CST9L: variants seen among roughly 807,000 people sequenced by gnomAD.
CST9L encodes cystatin-9-like.
In CST9L, 17 loss-of-function variants were observed where a neutral mutation model predicts 13.2. The observed-to-expected ratio is 1.29, with a 90% CI of 0.88 to 1.93. CST9L has a LOEUF of 1.93. Ranked by LOEUF, CST9L falls within the 30% of genes most tolerant of loss-of-function variation. The pLI is 0.00. For synonymous variants in CST9L, 78 were observed against 69.1 expected (o/e 1.13, Z -0.64); for missense variants, 170 against 170.5 (o/e 1.00, Z 0.02).
chr20:23,565,665 C>T (rs1989081764), intron 2 of CST9L, among the ~76,000 whole-genome samples: 1 of 152,192 alleles, frequency 6.6e-6, no homozygotes, highest in South Asian at 2.1e-4. Context: ...GGGACCACTT[C>T]TTACTGGACC....
chr20:23,568,320 G>A lies in CST9L; in HGVS notation c.131C>T (p.Ala44Val), dbSNP rs762020452. 1.2e-5 allele frequency: 20 copies of A among 1,614,082 alleles called. No homozygotes were observed. The highest frequency in any genetic ancestry group is 1.5e-5 in the Non-Finnish European group (18 of 1,180,036). The change falls in exon 1 of 3, where the codon GCT becomes GTT. Residue 44 changes from alanine to valine, a missense_variant. Transcript: ENST00000376979. Reference protein sequence around the residue: ...QRDCDEHNVMARYLPATVEFA... With the variant: ...QRDCDEHNVMVRYLPATVEFA... ...CTCCACTGTGGCAGGGAGGTAACGA[G>A]CCATGACATTGTGTTCATCACAGTC...
At position 23,568,295 on chromosome 20, in the gene CST9L, C is replaced by T. The variant is rs1443743636; in HGVS notation, c.156G>A (p.Glu52=). The change falls in exon 1 of 3, where the codon GAG becomes GAA. Residue 52 remains glutamate, a synonymous_variant. Coordinates refer to ENST00000376979, the MANE Select transcript of CST9L (RefSeq NM_080610.3). ...VMARYLPATV[E]FAVHTFNQQS... ...GTTGGTTGAATGTGTGGACAGCAAACTCCACTGTGGCAGGGAGGTAACGAG... is the reference window on the plus strand; with the variant it reads ...GTTGGTTGAATGTGTGGACAGCAAATTCCACTGTGGCAGGGAGGTAACGAG... 6.2e-7 allele frequency: 1 copy of T among 1,614,182 alleles called. No homozygotes were observed.
Position 23,568,382 on chromosome 20 carries a change from G to A in CST9L, c.69C>T (p.Ile23=). The A allele has an allele frequency of 6.2e-7, 1 of 1,614,168 alleles. No individual in the cohort carries two copies. Among genetic ancestry groups the A allele is most frequent in the Non-Finnish European group, 8.5e-7 (1 of 1,180,024 alleles). The change falls in exon 1 of 3, where the codon ATC becomes ATT. Residue 23 remains isoleucine (I), a synonymous_variant. Coordinates refer to ENST00000376979, the MANE Select transcript of CST9L (RefSeq NM_080610.3). Reference sequence around the variant, plus strand: ...GGAAATGCCAGGCATAGATCAGCAGGATCTGGGAGCCTAAGAGAAGCAGCA... The same window carrying A: ...GGAAATGCCAGGCATAGATCAGCAGAATCTGGGAGCCTAAGAGAAGCAGCA... ...ALLLLLLGSQ[I]LLIYAWHFHE...
chr20:23,565,059 G>A (rs1223732787), intron 2 of CST9L, 22 bp from the exon 3 acceptor site: 2 of 1,565,668 alleles, frequency 1.3e-6, no homozygotes, highest in South Asian at 1.1e-5. Context: ...AGCACAGGAA[G>A]GGACAGTGGG....
intron 2 of CST9L, among the ~76,000 whole-genome samples, chr20:23,565,566 G>T (rs1163096748): frequency 6.6e-6 from 1 of 152,070 alleles, no homozygotes; most frequent in Non-Finnish European, 1.5e-5. Context: ...TCTAGGGGAG[G>T]GTAAGGAAAC....
intron 1 of CST9L, among the ~76,000 whole-genome samples, chr20:23,567,706 CA>C (rs1989117852): frequency 6.6e-6 from 1 of 152,220 alleles, no homozygotes; most frequent in South Asian, 2.1e-4. Context: ...CCAAGGAGCT[CA>C]GAGAAGTTGG....
In CST9L at chr20:23,568,396, A is replaced by G; in HGVS notation, c.55T>C (p.Leu19=). ...TAGATCAGCAGGATCTGGGAGCCTA[A>G]GAGAAGCAGCAGCAGCGCCCAGGAC... ...GLSWALLLLL[L]GSQILLIYAW... is the part of the protein sequence containing the mutation. Residue 19 remains leucine, a synonymous_variant, in exon 1 of 3, where the codon TTA becomes CTA. Transcript: ENST00000376979. The G allele has an allele frequency of 6.2e-7, 1 of 1,614,206 alleles. No homozygotes were observed. The highest frequency in any genetic ancestry group is 1.3e-5 in the African/African-American group (1 of 75,068).
chr20:23,567,224 A>G (rs1297492491), intron 1 of CST9L, among the ~76,000 whole-genome samples: 1 of 152,060 alleles, frequency 6.6e-6, no homozygotes, highest in Non-Finnish European at 1.5e-5. Flanking sequence ...GAAGTCCTCA[A>G]CTTAGCTGGG....
chr20:23,565,169 G>T, intron 2 of CST9L, 132 bp from the exon 3 acceptor site: 1 of 687,422 alleles, frequency 1.5e-6, no homozygotes, highest in South Asian at 1.6e-5. Flanking sequence ...GGGGCCTCTG[G>T]CTATCATGTG....
chr20:23,568,144 C>T (rs1208250220), intron 1 of CST9L, 67 bp downstream of exon 1: 8 of 1,577,626 alleles, frequency 5.1e-6, no homozygotes, highest in Non-Finnish European at 4.3e-6. Context: ...CTGTCCCCAC[C>T]CCACTCCCAT....
intron 1 of CST9L, 133 bp from the exon 2 acceptor site, chr20:23,566,220 A>G: frequency 2.9e-6 from 2 of 687,334 alleles, no homozygotes; most frequent in Admixed American, 4.1e-5. Flanking sequence ...TGGGCCTGGC[A>G]TCAGGAGATC....
Position 23,564,769 on chromosome 20 carries a change from T to C in CST9L, c.*179A>G, listed in dbSNP as rs1178678255. The stretch of plus-strand genomic sequence containing the variant: ...CTGATGTTTAATGATCTACACTACA[T>C]GATTAGGCTCAAGATGTGTGGATTT... On this transcript the variant is annotated 3_prime_UTR_variant, in exon 3 of 3. Transcript: ENST00000376979. 3 of 605,824 alleles carry C rather than the reference T, an allele frequency of 5.0e-6. No homozygotes were observed. Among genetic ancestry groups the C allele is most frequent in the East Asian group, 5.6e-5 (2 of 35,892 alleles). The allele number at this position is 605,824 out of a possible 1,614,324, so 37.5% of individuals were successfully genotyped here.
Position 23,568,210 on chromosome 20 carries a change from C to T in CST9L, c.240+1G>A, listed in dbSNP as rs771771836. 2.8e-5 allele frequency: 45 copies of T among 1,614,076 alleles called. 1 individual carries two copies. In the South Asian group the frequency reaches 4.9e-4, roughly 18 times the overall value. ...GGGCAGGAGGGTACGTGGTCACCAA[C>T]CTGCTCCTTCCAGGAATTCAAGATG... is the stretch of plus-strand genomic sequence containing the variant. On this transcript the variant is annotated splice_donor_variant, in intron 1 of 2. Transcript: ENST00000376979. LOFTEE classifies it high-confidence loss of function.
chr20:23,565,698 G>A (rs1026160949), intron 2 of CST9L, among the ~76,000 whole-genome samples: 29 of 152,184 alleles, frequency 1.9e-4, no homozygotes, highest in Non-Finnish European at 3.8e-4. Flanking sequence ...ACCCCAGGGG[G>A]AAAGAGCAGT....
intron 1 of CST9L, 47 bp from the exon 2 acceptor site, chr20:23,566,134 C>T: frequency 9.7e-7 from 1 of 1,027,572 alleles, no homozygotes; most frequent in Non-Finnish European, 1.6e-6. Context: ...CCTTGTTGCC[C>T]CTAAGTAGCT....
Position 23,566,037 on chromosome 20 carries a change from C to A in CST9L, c.291G>T (p.Arg97Ser). 1 of 1,611,738 alleles carries A rather than the reference C, an allele frequency of 6.2e-7. No individual in the cohort carries two copies. The highest frequency in any genetic ancestry group is 8.5e-7 in the Non-Finnish European group (1 of 1,177,760). Residue 97 changes from arginine to serine, a missense_variant, in exon 2 of 3, where the codon AGG becomes AGT. Coordinates refer to ENST00000376979, the MANE Select transcript of CST9L (RefSeq NM_080610.3). The stretch of plus-strand genomic sequence containing the variant: ...CAATGTCGTCTTCAAATTTCCCACA[C>A]CTAGTTCTCCCCAGCAGTAGCTCCA... The part of the protein sequence containing the change: ...FSMELLLGRT[R>S]CGKFEDDIDN...
intron 2 of CST9L, 65 bp downstream of exon 2, chr20:23,565,909 C>T: frequency 2.2e-6 from 2 of 897,334 alleles, no homozygotes; most frequent in Middle Eastern, 2.2e-4. Flanking sequence ...TGCACCTGTG[C>T]CCACACCACA....
Position 23,568,436 on chromosome 20 carries a change from C to G in CST9L, c.15G>C (p.Pro5=). 2 of 1,613,914 alleles carry G rather than the reference C, an allele frequency of 1.2e-6. No homozygotes were observed. Among genetic ancestry groups the G allele is most frequent in the Non-Finnish European group, 1.7e-6 (2 of 1,179,912 alleles). ...GCGCCCAGGACAGACCTCCCTTCCA[C>G]GGCAGGCCCAGCATGGTGCTGACTG... is the stretch of plus-strand genomic sequence containing the variant. MLGL[P]WKGGLSWALL... The change falls in exon 1 of 3, where the codon CCG becomes CCC. Residue 5 remains proline (P), a synonymous_variant. Transcript: ENST00000376979.
chr20:23,564,853 A>G lies in CST9L; in HGVS notation c.*95T>C. Reference sequence around the variant, plus strand: ...CAAAATAGGATAACAAACAAGTCCAAAGCTGCTCAGCCACTGAAGAGTCCT... The same window carrying G: ...CAAAATAGGATAACAAACAAGTCCAGAGCTGCTCAGCCACTGAAGAGTCCT... On this transcript the variant is annotated 3_prime_UTR_variant, in exon 3 of 3. Transcript: ENST00000376979. 2.3e-6 allele frequency: 2 copies of G among 862,456 alleles called. No individual in the cohort carries two copies. Among genetic ancestry groups the G allele is most frequent in the Non-Finnish European group, 4.0e-6 (2 of 499,070 alleles). The allele number at this position is 862,456 out of a possible 1,614,324, so 53.4% of individuals were successfully genotyped here.
Sources: gnomAD v4.1 joint callset for allele counts (sites outside exome capture counted in the v4.1 genomes callset) on GRCh38, gnomAD v4.1.1 for gene constraint, MANE v1.5 for transcripts, NCBI Gene and HGNC (gene_info 2026-07-23, HGNC 2026-07-21) for gene names.